DGKH: variants seen among roughly 807,000 people sequenced by gnomAD.
DGKH encodes the protein diacylglycerol kinase eta, also known as DAG kinase eta.
A neutral mutation model predicts 159.3 loss-of-function variants in DGKH; 90 were observed. The observed-to-expected ratio is 0.57, with a 90% CI of 0.48 to 0.67. The LOEUF is 0.67. Among genes scored for constraint, DGKH ranks in the 30% least tolerant of loss-of-function variants. The pLI, the probability that DGKH is intolerant of heterozygous loss-of-function variation, is 0.00. For missense variants in DGKH, 1,181 were observed against 1,506.1 expected, an observed-to-expected ratio of 0.78 and a Z score of 3.57; for synonymous variants, 536 against 553.8, an observed-to-expected ratio of 0.97 and a Z score of 0.45.
At chr13:42,164,536 A>C (rs73187288) in intron 7 of DGKH, among the ~76,000 whole-genome samples, 11,964 of 152,298 alleles carry the variant, frequency 0.079, 598 homozygotes, top group Middle Eastern at 0.14. Flanking sequence ...AATAAAATAA[A>C]GTCATATTAA....
At chr13:42,049,012 T>G (rs762343603) in intron 1 of DGKH, 47 bp downstream of exon 1, 21 of 1,172,414 alleles carry the variant, frequency 1.8e-5, no homozygotes, top group Non-Finnish European at 1.8e-5. Flanking sequence ...AAGCGGGAGG[T>G]GGAGAGGGCG....
In DGKH at chr13:42,120,612, AATT is replaced by A. The variant is rs1197338858; in HGVS notation, c.193-6844_193-6842del. Among the ~76,000 whole-genome samples the A allele has an allele frequency of 3.3e-5, 5 of 152,342 alleles. No homozygotes were observed. In the East Asian group the frequency reaches 9.6e-4, roughly 29 times the overall value. ...GCTAACTGAAGACAAAGTTTAAAAG[AATT>A]ATTATTTGTTACCCATAACCATATT... is the stretch of plus-strand genomic sequence containing the variant. On this transcript the variant is annotated intron_variant, in intron 1 of 29. Transcript: ENST00000337343.
intron 1 of DGKH, among the ~76,000 whole-genome samples, chr13:42,127,203 T>G (rs1319440399): frequency 6.6e-6 from 1 of 152,196 alleles, no homozygotes; most frequent in Non-Finnish European, 1.5e-5. Flanking sequence ...AACACTGTAT[T>G]GCAAGTATTA....
chr13:42,189,547 T>G (rs1336793590), intron 15 of DGKH, among the ~76,000 whole-genome samples: 1 of 152,160 alleles, frequency 6.6e-6, no homozygotes, highest in Admixed American at 6.5e-5. Context: ...AATGGAAACA[T>G]TTCTATCTAA....
rs1400445372 is a variant in DGKH at position 42,249,216 on chromosome 13, A to T, written n.4055-3193A>T. Among the ~76,000 whole-genome samples the T allele has an allele frequency of 5.3e-5, 8 of 152,288 alleles. 1 individual carries two copies. The highest frequency in any genetic ancestry group is 1.9e-4 in the African/African-American group (8 of 41,564). On this transcript the variant is annotated intron_variant and non_coding_transcript_variant, in intron 29 of 30. Coordinates refer to the DGKH transcript ENST00000498255. ...TGCAGAAACTCAGCCTCTACAAAAA[A>T]TACAAAGATTAGCTCTGCTTGGTGG... is the stretch of plus-strand genomic sequence containing the variant.
At chr13:42,166,730 G>A (rs1180647858) in intron 9 of DGKH, 56 bp downstream of exon 9, 3 of 1,379,866 alleles carry the variant, frequency 2.2e-6, no homozygotes, top group Non-Finnish European at 2.8e-6. Context: ...GGTGTTAAAT[G>A]TGTTTGGTTT....
At chr13:42,147,589 G>C (rs1055089432) in intron 3 of DGKH, among the ~76,000 whole-genome samples, 1 of 152,194 alleles carries the variant, frequency 6.6e-6, no homozygotes, top group Non-Finnish European at 1.5e-5. Flanking sequence ...AAGGGAATGA[G>C]ACTAATGGAT....
intron 3 of DGKH, among the ~76,000 whole-genome samples, chr13:42,136,401 TG>T (rs1339891467): frequency 5.3e-5 from 8 of 152,208 alleles, no homozygotes; most frequent in African/African-American, 1.9e-4. Context: ...GTTAGGTAAA[TG>T]TTATTTGCGA....
chr13:42,131,018 A>G (rs950087910), intron 3 of DGKH, among the ~76,000 whole-genome samples: 1 of 152,022 alleles, frequency 6.6e-6, no homozygotes, highest in Admixed American at 6.6e-5. Context: ...AGAGAGGTCA[A>G]GTCAAAGAAG....
chr13:42,055,779 A>G (rs1284622025), intron 1 of DGKH, among the ~76,000 whole-genome samples: 4 of 152,206 alleles, frequency 2.6e-5, no homozygotes, highest in Non-Finnish European at 5.9e-5. Context: ...ATGTTAGTAC[A>G]TTACAGTTTC....
chr13:42,046,773 G>T (rs923825460), upstream of DGKH, among the ~76,000 whole-genome samples: 4 of 152,182 alleles, frequency 2.6e-5, no homozygotes, highest in African/African-American at 4.8e-5. Flanking sequence ...ACAGACTTTT[G>T]TTATACAGTG....
chr13:42,196,568 G>A (rs760360958), intron 17 of DGKH, among the ~76,000 whole-genome samples: 14 of 152,222 alleles, frequency 9.2e-5, no homozygotes, highest in Non-Finnish European at 1.8e-4. Flanking sequence ...GCGCAGAATA[G>A]TCATAACGCA....
rs548383513 is a variant in DGKH at position 42,108,466 on chromosome 13, G to A, written c.193-18997G>A. On this transcript the variant is annotated intron_variant, in intron 1 of 29. Coordinates refer to ENST00000337343, the MANE Select transcript of DGKH (RefSeq NM_178009.5). The stretch of plus-strand genomic sequence containing the variant: ...AGGTGCTGAATTCATTTGGAATTCC[G>A]TATAGAGTGACTTTTACCCAGTGCC... Among the ~76,000 whole-genome samples the A allele has an allele frequency of 6.6e-5, 10 of 152,300 alleles. No homozygotes were observed. In the East Asian group the frequency reaches 7.7e-4, roughly 12 times the overall value.
At position 42,061,988 on chromosome 13, in the gene DGKH, G is replaced by GGT. The variant is rs60863220; in HGVS notation, c.192+13044_192+13045dup. On this transcript the variant is annotated intron_variant, in intron 1 of 29. Coordinates refer to ENST00000337343, the MANE Select transcript of DGKH (RefSeq NM_178009.5). Reference sequence around the variant, plus strand: ...GAGAAAGATGGAGAGTGTGTGTGTGGGTGTGTGTGTGTGTGTGTGTGTAAA... The same window carrying GGT: ...GAGAAAGATGGAGAGTGTGTGTGTGGGTGTGTGTGTGTGTGTGTGTGTGTAAA... Among the ~76,000 whole-genome samples the GGT allele has an allele frequency of 2.9e-3, 427 of 149,780 alleles. 3 individuals are homozygous for GGT. The Middle Eastern group carries it at 0.045, about 16-fold the overall frequency.
intron 13 of DGKH, among the ~76,000 whole-genome samples, chr13:42,183,114 TC>T (rs1339371044): frequency 6.6e-6 from 1 of 152,010 alleles, no homozygotes. Flanking sequence ...CATAGTGGAA[TC>T]CCATCTCTAC....
chr13:42,054,462 C>A (rs983052398), intron 1 of DGKH, among the ~76,000 whole-genome samples: 2 of 152,316 alleles, frequency 1.3e-5, no homozygotes, highest in African/African-American at 4.8e-5. Flanking sequence ...GCAATTAACA[C>A]ACATCCAGGT....
At chr13:42,164,924 A>T (rs536560222) in intron 7 of DGKH, among the ~76,000 whole-genome samples, 1 of 152,306 alleles carries the variant, frequency 6.6e-6, no homozygotes, top group African/African-American at 2.4e-5. Flanking sequence ...TTATAAGAAC[A>T]AAATAAATGT....
At chr13:42,176,078 A>G (rs1377499119) in intron 12 of DGKH, among the ~76,000 whole-genome samples, 4 of 152,224 alleles carry the variant, frequency 2.6e-5, no homozygotes, top group Non-Finnish European at 4.4e-5. Context: ...AGTTACATCT[A>G]TAATTTTATC....
intron 13 of DGKH, among the ~76,000 whole-genome samples, chr13:42,185,747 T>C (rs150063793): frequency 2.3e-3 from 345 of 152,272 alleles, no homozygotes; most frequent in African/African-American, 8.0e-3. Context: ...TTGTTCATGA[T>C]CAAAGAAGAC....
Sources: gnomAD v4.1 joint callset for allele counts (sites outside exome capture counted in the v4.1 genomes callset) on GRCh38, gnomAD v4.1.1 for gene constraint, MANE v1.5 for transcripts, NCBI Gene and HGNC (gene_info 2026-07-23, HGNC 2026-07-21) for gene names.